Variants in ATP2B2 observed in about 807,000 individuals in gnomAD.
ATP2B2 encodes the protein plasma membrane calcium-transporting ATPase 2.
In ATP2B2, 15 loss-of-function variants were observed where a neutral mutation model predicts 120.0. That is an observed-to-expected ratio of 0.12 (90% confidence interval 0.08 to 0.19). The LOEUF (loss-of-function observed/expected upper bound fraction) is 0.19, where lower values mean the gene tolerates loss of function less well. Among genes scored for constraint, ATP2B2 ranks in the 10% least tolerant of loss-of-function variants. The pLI is 1.00. For missense variants in ATP2B2, 1,045 were observed against 1,719.8 expected, an observed-to-expected ratio of 0.61 and a Z score of 6.94; for synonymous variants, 694 against 700.3, an observed-to-expected ratio of 0.99 and a Z score of 0.14.
intron 1 of ATP2B2, among the ~76,000 whole-genome samples, chr3:10,687,500 G>A (rs1044856290): frequency 7.9e-5 from 12 of 152,012 alleles, no homozygotes; most frequent in African/African-American, 1.9e-4. Flanking sequence ...GAGAAAGCTC[G>A]CTCTAAGCAG....
At position 10,343,370 on chromosome 3, in the gene ATP2B2, C is replaced by G. The variant is rs578196555; in HGVS notation, c.2704-405G>C. ...CCCCCACTGCCTCCTCCCCCTCGGG[C>G]TTTCTATCCTACAAACAGTGCCCGT... On this transcript the variant is annotated intron_variant, in intron 18 of 22. Transcript: ENST00000360273. This position sits in a 1 kb window ranked among gnomAD's most constrained non-coding sequence, Gnocchi z 4.2. 7.2e-6 allele frequency among the ~76,000 whole-genome samples: 1 copy of G among 139,342 alleles called. No individual in the cohort carries two copies. The highest frequency in any genetic ancestry group is 2.6e-5 in the African/African-American group (1 of 38,006). 91.4% of individuals were successfully genotyped at this position (139,342 alleles called of 152,430 possible).
chr3:10,663,038 A>G (rs2070829910), intron 1 of ATP2B2, among the ~76,000 whole-genome samples: 1 of 143,260 alleles, frequency 7.0e-6, no homozygotes, highest in Non-Finnish European at 1.5e-5. Flanking sequence ...TGGGAATTGA[A>G]CAATGAGAAC....
At chr3:10,626,889 C>G (rs1349118557) in intron 1 of ATP2B2, 1 of 151,430 alleles carries the variant, frequency 6.6e-6, no homozygotes, top group Non-Finnish European at 1.5e-5. Flanking sequence ...CACACACACA[C>G]ACACACACAC....
intron 5 of ATP2B2, 35 bp from the exon 6 acceptor site, chr3:10,388,437 A>G (rs1490482851): frequency 6.2e-7 from 1 of 1,613,836 alleles, no homozygotes; most frequent in African/African-American, 1.3e-5. Context: ...TTACCATTGC[A>G]TGGTTGAAGC....
At chr3:10,400,636 A>G (rs934493917) in intron 5 of ATP2B2, among the ~76,000 whole-genome samples, 5 of 152,170 alleles carry the variant, frequency 3.3e-5, no homozygotes, top group African/African-American at 1.2e-4. Context: ...ATTCTTTCTC[A>G]TCTCTGATGA....
chr3:10,383,770 G>A (rs1175222127), intron 8 of ATP2B2, among the ~76,000 whole-genome samples: 2 of 152,174 alleles, frequency 1.3e-5, no homozygotes, highest in Non-Finnish European at 2.9e-5. Flanking sequence ...GTATACAGTA[G>A]GTGGTCAAGA....
intron 2 of ATP2B2, among the ~76,000 whole-genome samples, chr3:10,563,212 G>A (rs2067940730): frequency 6.6e-6 from 1 of 152,232 alleles, no homozygotes; most frequent in African/African-American, 2.4e-5. Context: ...AGCAATGAAG[G>A]AGACGCTATC....
In ATP2B2 at chr3:10,424,373, A is replaced by C. The variant is rs116640215; in HGVS notation, c.200-13558T>G. Among the ~76,000 whole-genome samples, 756 of 152,324 alleles carry C rather than the reference A, an allele frequency of 5.0e-3. 7 individuals carry two copies. The highest frequency in any genetic ancestry group is 0.017 in the African/African-American group (709 of 41,554). ...CTTCAGGATGCAGCACTGAAATCAA[A>C]GCTGACAACTCTGCCATTTTCCTTG... On this transcript the variant is annotated intron_variant, in intron 2 of 22. Transcript: ENST00000360273.
chr3:10,389,534 T>C lies in ATP2B2; in HGVS notation c.782-1132A>G, dbSNP rs1021857064. Among the ~76,000 whole-genome samples the C allele has an allele frequency of 2.6e-5, 4 of 152,172 alleles. No homozygotes were observed. The South Asian group carries it at 6.2e-4, about 24-fold the overall frequency. On this transcript the variant is annotated intron_variant, in intron 5 of 22. Coordinates refer to ENST00000360273, the MANE Select transcript of ATP2B2 (RefSeq NM_001001331.4). ...ACCATAAATACTATATGATTCCACC[T>C]GCATGAGGTCCCCTGAGTCATCAGC...
At chr3:10,332,161 G>T in intron 22 of ATP2B2, 1 of 807,408 alleles carries the variant, frequency 1.2e-6, no homozygotes, top group Non-Finnish European at 2.1e-6. Flanking sequence ...CTAATGAGAA[G>T]TCCAGCTTTC....
At chr3:10,584,933 C>A (rs1258382324) in intron 2 of ATP2B2, among the ~76,000 whole-genome samples, 5 of 152,162 alleles carry the variant, frequency 3.3e-5, no homozygotes, top group African/African-American at 7.2e-5. Flanking sequence ...TCTCTTAGAC[C>A]CCTCTGTTTC....
chr3:10,456,698 T>G (rs1270989599), intron 1 of ATP2B2, among the ~76,000 whole-genome samples: 1 of 152,266 alleles, frequency 6.6e-6, no homozygotes, highest in Admixed American at 6.5e-5. Flanking sequence ...AGGCTCCTTG[T>G]CACCTCTCAG....
At chr3:10,510,423 C>A (rs1431621101), upstream of ATP2B2, among the ~76,000 whole-genome samples, 2 of 152,384 alleles carry the variant, frequency 1.3e-5, no homozygotes, top group Non-Finnish European at 2.9e-5. Context: ...GAAATAGGAA[C>A]TGCAGGAGGC....
At chr3:10,551,807 C>G (rs1182271491) in intron 2 of ATP2B2, among the ~76,000 whole-genome samples, 1 of 152,170 alleles carries the variant, frequency 6.6e-6, no homozygotes, top group Admixed American at 6.5e-5. Context: ...CCATGTGACC[C>G]CAAGCATGTC....
intron 12 of ATP2B2, among the ~76,000 whole-genome samples, chr3:10,366,261 G>C (rs977910761): frequency 6.6e-6 from 1 of 152,036 alleles, no homozygotes; most frequent in African/African-American, 2.4e-5. Context: ...TTTCTCCTCG[G>C]CCCTCCCTAC....
intron 2 of ATP2B2, among the ~76,000 whole-genome samples, chr3:10,617,144 A>T (rs181975639): frequency 5.6e-4 from 86 of 152,362 alleles, no homozygotes; most frequent in African/African-American, 2.0e-3. Flanking sequence ...GCTGTGATAC[A>T]CATCGTTGTA....
At chr3:10,608,806 C>A (rs149104562) in intron 2 of ATP2B2, among the ~76,000 whole-genome samples, 1 of 152,160 alleles carries the variant, frequency 6.6e-6, no homozygotes. Context: ...TCTAAGAAAC[C>A]ATTCTCTTGG....
chr3:10,409,787 G>A (rs1416165736), intron 3 of ATP2B2, among the ~76,000 whole-genome samples: 2 of 152,134 alleles, frequency 1.3e-5, no homozygotes, highest in African/African-American at 4.8e-5. Context: ...TTTCTTATGT[G>A]CTATTAACTT....
chr3:10,446,196 C>T (rs1348859070), intron 2 of ATP2B2, among the ~76,000 whole-genome samples: 1 of 152,208 alleles, frequency 6.6e-6, no homozygotes, highest in Non-Finnish European at 1.5e-5. Flanking sequence ...AAGTGTTTCT[C>T]ATGTGTGGAC....
Sources: allele counts gnomAD v4.1 joint callset (sites outside exome capture counted in the v4.1 genomes callset), GRCh38; gene constraint gnomAD v4.1.1; non-coding constraint Gnocchi (gnomAD v3.1); transcripts MANE v1.5; gene names NCBI Gene and HGNC (gene_info 2026-07-23, HGNC 2026-07-21).